MX1: variants seen among roughly 807,000 people sequenced by gnomAD.
The protein encoded by MX1 is interferon-induced GTP-binding protein Mx1.
A neutral mutation model predicts 66.4 loss-of-function variants in MX1; 66 were observed. The observed-to-expected ratio is 0.99, with a 90% confidence interval of 0.82 to 1.22. The LOEUF is 1.22. Among genes scored for constraint, MX1 ranks in the 50% most tolerant of loss-of-function variants. MX1 has a pLI of 0.00. For synonymous variants in MX1, 311 were observed against 318.1 expected (o/e 0.98, Z 0.24); for missense variants, 787 against 834.3 (o/e 0.94, Z 0.70).
intron 10 of MX1, 47 bp from the exon 11 acceptor site, chr21:41,443,741 T>G: frequency 6.3e-7 from 1 of 1,580,738 alleles, no homozygotes; most frequent in Non-Finnish European, 8.7e-7. Flanking sequence ...CAGACATGCG[T>G]GTTCTGGCTA....
chr21:41,431,825 T>C lies in MX1; in HGVS notation c.-21-225T>C. Reference sequence around the variant, plus strand: ...AGCAGGGAGGCAGCGTTTGTCTTTATCTGACCTTGGCTTCTTTGGGTCACT... The same window carrying C: ...AGCAGGGAGGCAGCGTTTGTCTTTACCTGACCTTGGCTTCTTTGGGTCACT... On this transcript the variant is annotated intron_variant, in intron 4 of 16. Transcript: ENST00000398598. The C allele has an allele frequency of 6.4e-6, 3 of 472,420 alleles. No individual in the cohort carries two copies. In the South Asian group the frequency reaches 6.7e-5, roughly 11 times the overall value. The allele number at this position is 472,420 out of a possible 1,614,324, so 29.3% of individuals were successfully genotyped here. A position where few individuals can be genotyped will look rare whatever the true frequency, so the allele number is the denominator to read the frequency against.
chr21:41,455,146 G>C (rs2090928188), intron 16 of MX1, among the ~76,000 whole-genome samples: 1 of 152,126 alleles, frequency 6.6e-6, no homozygotes, highest in African/African-American at 2.4e-5. Flanking sequence ...CTGACCTCAA[G>C]TGATCTGCCT....
chr21:41,425,111 C>T (rs1027749630), upstream of MX1, among the ~76,000 whole-genome samples: 2 of 152,186 alleles, frequency 1.3e-5, no homozygotes, highest in Non-Finnish European at 2.9e-5. Context: ...TTCTAAATAG[C>T]TTATACTAAA....
At chr21:41,442,188 G>A (rs2090541801) in intron 10 of MX1, among the ~76,000 whole-genome samples, 1 of 151,894 alleles carries the variant, frequency 6.6e-6, no homozygotes, top group African/African-American at 2.4e-5. Flanking sequence ...AATTTACGTA[G>A]CATGGTGCTG....
Position 41,459,046 on chromosome 21 carries a change from C to T in MX1, c.*288C>T, listed in dbSNP as rs529140149. The T allele has an allele frequency of 3.6e-5, 19 of 526,760 alleles. No individual in the cohort carries two copies. Among genetic ancestry groups the T allele is most frequent in the African/African-American group, 3.6e-4 (19 of 52,780 alleles). The allele number at this position is 526,760 out of a possible 1,614,324, so 32.6% of individuals were successfully genotyped here. A position where few individuals can be genotyped will look rare whatever the true frequency, so the allele number is the denominator to read the frequency against. On this transcript the variant is annotated 3_prime_UTR_variant, in exon 17 of 17. Transcript: ENST00000398598. Reference sequence around the variant, plus strand: ...GAATCGCTCCACCTTGCAGCTCTCCCCTTCTCTGTATTCCTAGAAACTGAC... The same window carrying T: ...GAATCGCTCCACCTTGCAGCTCTCCTCTTCTCTGTATTCCTAGAAACTGAC...
At chr21:41,457,618 A>G (rs1293721014) in intron 16 of MX1, among the ~76,000 whole-genome samples, 1 of 150,510 alleles carries the variant, frequency 6.6e-6, no homozygotes, top group Non-Finnish European at 1.5e-5. Context: ...TGTCTGCAAG[A>G]CTCTCTTATG....
In MX1 at chr21:41,441,072, C is replaced by CGCCTGTGCTCGATGAGAATGGGGGAGCCT. The variant is rs2090496343; in HGVS notation, c.730+58_730+59insATGAGAATGGGGGAGCCTGCCTGTGCTCG. 3 of 1,504,794 alleles carry CGCCTGTGCTCGATGAGAATGGGGGAGCCT rather than the reference C, an allele frequency of 2.0e-6. No homozygotes were observed. The highest frequency in any genetic ancestry group is 2.8e-5 in the African/African-American group (2 of 71,130). The allele number at this position is 1,504,794 out of a possible 1,614,324, so 93.2% of individuals were successfully genotyped here. On this transcript the variant is annotated intron_variant, in intron 9 of 16. Coordinates refer to ENST00000398598, the MANE Select transcript of MX1 (RefSeq NM_002462.5). The surrounding 1 kb of genome is among the most constrained non-coding windows in gnomAD (Gnocchi z 4.0). ...TGTGCTCAGTGAGAATGGGGGAGCC[C>CGCCTGTGCTCGATGAGAATGGGGGAGCCT]GCCTGTGCTCGGTGAGAATGGGGGA...
intron 4 of MX1, chr21:41,431,615 C>G (rs985718842): frequency 1.2e-5 from 2 of 162,834 alleles, no homozygotes; most frequent in East Asian, 3.6e-4. Context: ...GTTGGGATTA[C>G]AGGTGCCCGC....
chr21:41,456,144 TG>T (rs1568999639), intron 16 of MX1, among the ~76,000 whole-genome samples: 1 of 152,202 alleles, frequency 6.6e-6, no homozygotes, highest in Non-Finnish European at 1.5e-5. Context: ...CTTGGGAAGC[TG>T]AGATATGAGA....
At position 41,458,763 on chromosome 21, in the gene MX1, A is replaced by G. The variant is rs1557370; in HGVS notation, c.*5A>G. On this transcript the variant is annotated 3_prime_UTR_variant, in exon 17 of 17. Transcript: ENST00000398598. ...CTTGCCCAGTTCCCCGGTTAACCAC[A>G]CTCTGTCCAGCCCCGTAGACGTGCA... 0.11 allele frequency: 175,017 copies of G among 1,608,946 alleles called. 15,146 individuals carry two copies. Among genetic ancestry groups the G allele is most frequent in the African/African-American group, 0.39 (28,914 of 74,844 alleles).
chr21:41,432,144 A>G lies in MX1; in HGVS notation c.74A>G (p.Asp25Gly). Reference protein sequence around the residue: ...AASHPLLLNGDATVAQKNPGS... With the variant: ...AASHPLLLNGGATVAQKNPGS... ...TCCCACCCTCTATTACTGAATGGAG[A>G]TGCTACTGTGGCCCAGAAAAATCCA... The change falls in exon 5 of 17, where the codon GAT becomes GGT. Residue 25 changes from aspartate (D) to glycine (G), a missense_variant. By Grantham distance (94) the Asp-to-Gly change is moderately conservative. Coordinates refer to ENST00000398598, the MANE Select transcript of MX1 (RefSeq NM_002462.5). 14 of 1,614,114 alleles carry G rather than the reference A, an allele frequency of 8.7e-6. No homozygotes were observed. The highest frequency in any genetic ancestry group is 1.2e-5 in the Non-Finnish European group (14 of 1,180,032).
intron 12 of MX1, 62 bp from the exon 13 acceptor site, chr21:41,445,938 A>G (rs2090650104): frequency 2.8e-5 from 45 of 1,591,958 alleles, no homozygotes; most frequent in South Asian, 3.4e-5. Context: ...ACGGCCTCCA[A>G]ATGACCTTGA....
chr21:41,440,886 G>C lies in MX1; in HGVS notation c.592-1G>C, dbSNP rs200129782. On this transcript the variant is annotated splice_acceptor_variant, in intron 8 of 16. Coordinates refer to ENST00000398598, the MANE Select transcript of MX1 (RefSeq NM_002462.5). LOFTEE classifies it high-confidence loss of function. ...AGTCACCTCCTCTCATTTCCTTACA[G>C]ATCAAGACACTCATCAAGAAGTACA... 7 of 1,614,146 alleles carry C rather than the reference G, an allele frequency of 4.3e-6. No homozygotes were observed. Among genetic ancestry groups the C allele is most frequent in the Non-Finnish European group, 5.9e-6 (7 of 1,180,002 alleles).
chr21:41,445,702 G>C (rs1372723705), intron 12 of MX1, 132 bp downstream of exon 12: 9 of 1,298,720 alleles, frequency 6.9e-6, no homozygotes, highest in African/African-American at 1.5e-5. Context: ...GCACTCAAAG[G>C]GTGGACAGGG....
rs2090487890 is a variant in MX1, at chr21:41,440,932, A to C, written c.637A>C (p.Ser213Arg). Residue 213 changes from serine (S) to arginine (R), a missense_variant, in exon 9 of 17, where the codon AGC (serine) becomes CGC (arginine). Physicochemically the swap from Ser to Arg is moderately radical, Grantham distance 110. Coordinates refer to ENST00000398598, the MANE Select transcript of MX1 (RefSeq NM_002462.5). ...KKYIQRQETI[S>R]LVVVPSNVDI... ...GTACATCCAGAGGCAGGAGACAATC[A>C]GCCTGGTGGTGGTCCCCAGTAATGT... 2 of 1,614,212 alleles carry C rather than the reference A, an allele frequency of 1.2e-6. No homozygotes were observed. Among genetic ancestry groups the C allele is most frequent in the African/African-American group, 2.7e-5 (2 of 75,062 alleles).
chr21:41,427,841 C>G lies in MX1; in HGVS notation c.-123C>G, dbSNP rs1362642830. On this transcript the variant is annotated 5_prime_UTR_variant, in exon 3 of 17. Coordinates refer to ENST00000398598, the MANE Select transcript of MX1 (RefSeq NM_002462.5). ...ACTCCCTGAAATCTGGAGTGAAGAA[C>G]GCCGCCATCCAGCCACCATTCCAAG... The G allele has an allele frequency of 6.6e-6, 1 of 152,254 alleles. No homozygotes were observed. The highest frequency in any genetic ancestry group is 2.4e-5 in the African/African-American group (1 of 41,442). The allele number at this position is 152,254 out of a possible 1,614,324, so 9.4% of individuals were successfully genotyped here.
At chr21:41,442,006 A>AGTGGT (rs1555885675) in intron 10 of MX1, 92 bp downstream of exon 10, 7 of 909,802 alleles carry the variant, frequency 7.7e-6, no homozygotes, top group Non-Finnish European at 8.8e-6. Context: ...AGATGTGTGG[A>AGTGGT]GTGTGTGTGT....
At chr21:41,437,593 A>G (rs117835226) in intron 7 of MX1, among the ~76,000 whole-genome samples, 4,506 of 152,278 alleles carry the variant, frequency 0.03, 94 homozygotes, top group Non-Finnish European at 0.04. Context: ...GTGAGCCGTG[A>G]TCTTGCTACG....
Position 41,445,432 on chromosome 21 carries a change from T to A in MX1, c.1009-16T>A. The A allele has an allele frequency of 6.2e-7, 1 of 1,613,232 alleles. No homozygotes were observed. Among genetic ancestry groups the A allele is most frequent in the Non-Finnish European group, 8.5e-7 (1 of 1,179,640 alleles). On this transcript the variant is annotated splice_polypyrimidine_tract_variant and intron_variant, in intron 11 of 16. Coordinates refer to ENST00000398598, the MANE Select transcript of MX1 (RefSeq NM_002462.5). ...ATCTTTACACATTTCCATTATTTTC[T>A]CTCCATTTTCCTCAGAAATCTCTGC... is the stretch of plus-strand genomic sequence containing the variant.
Sources: gnomAD v4.1 joint callset for allele counts (sites outside exome capture counted in the v4.1 genomes callset) on GRCh38, gnomAD v4.1.1 for gene constraint, Gnocchi (gnomAD v3.1) non-coding constraint, MANE v1.5 for transcripts, NCBI Gene and HGNC (gene_info 2026-07-23, HGNC 2026-07-21) for gene names.